JAM2: variants seen among roughly 807,000 people sequenced by gnomAD.
JAM2 encodes junctional adhesion molecule B.
JAM2 carries 17 observed loss-of-function variants against 42.0 expected under a neutral mutation model. That is an observed-to-expected ratio of 0.40 (90% CI 0.28 to 0.61). JAM2 has a LOEUF of 0.61. Among genes scored for constraint, JAM2 ranks in the 20% least tolerant of loss-of-function variants. The probability of loss-of-function intolerance (pLI) is 0.37; values close to 1 mark genes in which losing one functional copy is unlikely to be tolerated. For missense variants in JAM2, 319 were observed against 358.3 expected, an observed-to-expected ratio of 0.89 and a Z score of 0.89; for synonymous variants, 118 against 128.6, an observed-to-expected ratio of 0.92 and a Z score of 0.56.
intron 3 of JAM2, among the ~76,000 whole-genome samples, chr21:25,691,438 G>GCCTCAATCTTCTGT (rs1347896528): frequency 6.6e-6 from 1 of 152,146 alleles, no homozygotes; most frequent in Non-Finnish European, 1.5e-5. Context: ...TCCAAGGCTG[G>GCCTCAATCTTCTGT]CCTCAATCTT....
At chr21:25,695,657 C>A (rs963465643) in intron 4 of JAM2, among the ~76,000 whole-genome samples, 10 of 151,744 alleles carry the variant, frequency 6.6e-5, no homozygotes, top group South Asian at 6.3e-4. Context: ...ATGCTCCTCA[C>A]TTCCCAGACG....
At chr21:25,697,353 G>A (rs1419400714) in intron 4 of JAM2, among the ~76,000 whole-genome samples, 1 of 152,170 alleles carries the variant, frequency 6.6e-6, no homozygotes, top group Non-Finnish European at 1.5e-5. Flanking sequence ...GAAAAAAAGT[G>A]TATTTATACC....
intron 4 of JAM2, among the ~76,000 whole-genome samples, chr21:25,696,053 T>C (rs1357999832): frequency 1.3e-5 from 2 of 151,362 alleles, no homozygotes; most frequent in Non-Finnish European, 2.9e-5. Flanking sequence ...GAGGTGGAGG[T>C]TGTAGCGAGC....
chr21:25,664,316 A>T (rs1477452582), intron 1 of JAM2, among the ~76,000 whole-genome samples: 1 of 151,726 alleles, frequency 6.6e-6, no homozygotes, highest in Non-Finnish European at 1.5e-5. Flanking sequence ...GCTCACCACA[A>T]CCTCCACTTC....
chr21:25,662,553 A>G (rs932011366), intron 1 of JAM2, among the ~76,000 whole-genome samples: 2 of 152,158 alleles, frequency 1.3e-5, no homozygotes, highest in African/African-American at 4.8e-5. Flanking sequence ...TCCTGGGCTT[A>G]AGTGATCCTC....
rs145881376 is a variant in JAM2 at position 25,702,262 on chromosome 21, G to C, written c.690G>C (p.Met230Ile). The stretch of plus-strand genomic sequence containing the variant: ...ATCGCAGGTGTCCTGGGAAACGAAT[G>C]CAAGTAGGTAAGCATGAAATATTGG... Reference protein sequence around the residue: ...VGYRRCPGKRMQVDDLNISGI... With the variant: ...VGYRRCPGKRIQVDDLNISGI... The change falls in exon 6 of 10, where the codon ATG becomes ATC. Residue 230 changes from methionine to isoleucine, a missense_variant. By Grantham distance (10) the Met-to-Ile change is conservative. Coordinates refer to ENST00000480456, the MANE Select transcript of JAM2 (RefSeq NM_021219.4). 22 of 1,588,908 alleles carry C rather than the reference G, an allele frequency of 1.4e-5. No homozygotes were observed. The East Asian group carries it at 4.7e-4, about 34-fold the overall frequency.
chr21:25,698,751 G>A lies in JAM2; in HGVS notation c.469G>A (p.Asp157Asn). The A allele has an allele frequency of 1.2e-6, 2 of 1,614,126 alleles. No individual in the cohort carries two copies. The highest frequency in any genetic ancestry group is 8.5e-7 in the Non-Finnish European group (1 of 1,180,026). The change falls in exon 5 of 10, where the codon GAC becomes AAC. Residue 157 changes from aspartate (D) to asparagine (N), a missense_variant. Physicochemically the swap from Asp to Asn is conservative, Grantham distance 23. Coordinates refer to ENST00000480456, the MANE Select transcript of JAM2 (RefSeq NM_021219.4). ...SGTVVELRCQDKEGNPAPEYT... is the reference protein window; with the variant it reads ...SGTVVELRCQNKEGNPAPEYT... ...AACTGTGGTAGAGCTACGATGTCAAGACAAAGAAGGGAATCCAGCTCCTGA... is the reference window on the plus strand; with the variant it reads ...AACTGTGGTAGAGCTACGATGTCAAAACAAAGAAGGGAATCCAGCTCCTGA...
chr21:25,697,032 A>G (rs549302097), intron 4 of JAM2, among the ~76,000 whole-genome samples: 13 of 141,702 alleles, frequency 9.2e-5, no homozygotes, highest in African/African-American at 2.9e-4. Flanking sequence ...TTTTGTAGAG[A>G]CATGATCTCA....
intron 6 of JAM2, among the ~76,000 whole-genome samples, chr21:25,703,605 A>AT (rs1459184477): frequency 6.6e-6 from 1 of 152,068 alleles, no homozygotes; most frequent in East Asian, 1.9e-4. Context: ...TCCTAAAGAA[A>AT]TTTTTTCAAA....
At chr21:25,712,875 T>C (rs2034411462) in intron 9 of JAM2, among the ~76,000 whole-genome samples, 1 of 152,238 alleles carries the variant, frequency 6.6e-6, no homozygotes, top group African/African-American at 2.4e-5. Context: ...CTTAGTCATT[T>C]GGGCTGCTAT....
intron 1 of JAM2, among the ~76,000 whole-genome samples, chr21:25,683,581 A>G (rs757872087): frequency 5.3e-5 from 8 of 152,122 alleles, no homozygotes; most frequent in Admixed American, 3.3e-4. Context: ...AAGCTGAATT[A>G]AGGATGTAAG....
intron 2 of JAM2, among the ~76,000 whole-genome samples, chr21:25,684,977 C>A (rs2033717444): frequency 6.6e-6 from 1 of 152,082 alleles, no homozygotes; most frequent in Non-Finnish European, 1.5e-5. Context: ...TAATATTGGG[C>A]AATCAGAAGA....
chr21:25,664,474 T>C (rs2033167808), intron 1 of JAM2, among the ~76,000 whole-genome samples: 1 of 152,238 alleles, frequency 6.6e-6, no homozygotes, highest in African/African-American at 2.4e-5. Context: ...GGCCTTGTGA[T>C]CTGCCCACCT....
At chr21:25,643,293 C>T (rs562990172) in intron 1 of JAM2, among the ~76,000 whole-genome samples, 40 of 152,206 alleles carry the variant, frequency 2.6e-4, no homozygotes, top group African/African-American at 8.4e-4. Flanking sequence ...ATGAGTATTC[C>T]GTGTTTGGTG....
chr21:25,680,768 CTGGATGGATGGA>C (rs60008405), intron 1 of JAM2, among the ~76,000 whole-genome samples: 1 of 151,706 alleles, frequency 6.6e-6, no homozygotes, highest in Non-Finnish European at 1.5e-5. Context: ...AAAGCAGTTT[CTGGATGGATGGA>C]TGGATGGATG....
chr21:25,703,210 C>T (rs2034204344), intron 6 of JAM2, among the ~76,000 whole-genome samples: 1 of 152,174 alleles, frequency 6.6e-6, no homozygotes, highest in East Asian at 1.9e-4. Context: ...TTTATTTTTC[C>T]TTCCATTTAA....
chr21:25,661,838 T>A (rs987192201), intron 1 of JAM2, among the ~76,000 whole-genome samples: 3 of 152,144 alleles, frequency 2.0e-5, no homozygotes, highest in African/African-American at 7.2e-5. Flanking sequence ...ATACTCTATT[T>A]TTAGGGAAAC....
At chr21:25,694,547 A>G (rs1409422623) in intron 4 of JAM2, among the ~76,000 whole-genome samples, 3 of 152,178 alleles carry the variant, frequency 2.0e-5, no homozygotes, top group Non-Finnish European at 4.4e-5. Flanking sequence ...AATCATGGAT[A>G]GATTAGGCAC....
chr21:25,671,913 C>T (rs2033371322), intron 1 of JAM2, among the ~76,000 whole-genome samples: 1 of 152,202 alleles, frequency 6.6e-6, no homozygotes, highest in South Asian at 2.1e-4. Context: ...TCTTTTTATG[C>T]TAATCTCTGC....
Sources: gnomAD v4.1 joint callset for allele counts (sites outside exome capture counted in the v4.1 genomes callset) on GRCh38, gnomAD v4.1.1 for gene constraint, MANE v1.5 for transcripts, NCBI Gene and HGNC (gene_info 2026-07-23, HGNC 2026-07-21) for gene names.